Variants in AUTS2 observed in about 807,000 individuals in gnomAD.
The protein encoded by AUTS2 is activator of transcription and developmental regulator AUTS2.
In AUTS2, 17 loss-of-function variants were observed where a neutral mutation model predicts 112.4. The ratio of observed to expected loss-of-function variants is 0.15; its 90% CI spans 0.10 to 0.23. The LOEUF (loss-of-function observed/expected upper bound fraction) is 0.23, where lower values mean the gene tolerates loss of function less well. AUTS2 is among the 10% of genes least tolerant of loss of function. The probability of loss-of-function intolerance (pLI) is 1.00; values close to 1 mark genes in which losing one functional copy is unlikely to be tolerated. For missense variants in AUTS2, 1,510 were observed against 1,701.6 expected, an observed-to-expected ratio of 0.89 and a Z score of 1.98; for synonymous variants, 751 against 702.7, an observed-to-expected ratio of 1.07 and a Z score of -1.09.
chr7:69,862,734 G>A (rs1329610968), intron 1 of AUTS2, among the ~76,000 whole-genome samples: 4 of 152,062 alleles, frequency 2.6e-5, no homozygotes, highest in Admixed American at 6.5e-5. Context: ...CATTGGAGGC[G>A]AGCTACAACC....
intron 6 of AUTS2, among the ~76,000 whole-genome samples, chr7:70,732,182 T>G (rs532852092): frequency 4.7e-4 from 71 of 152,338 alleles, no homozygotes; most frequent in African/African-American, 1.7e-3. Context: ...GTTTTCTTGT[T>G]TCTTTATTAT....
At chr7:70,263,963 G>C (rs562526871) in intron 4 of AUTS2, among the ~76,000 whole-genome samples, 4 of 152,122 alleles carry the variant, frequency 2.6e-5, no homozygotes, top group African/African-American at 7.2e-5. Context: ...GGAAGTTACC[G>C]GGGGGTCATG....
chr7:69,924,562 T>C (rs28811580), intron 2 of AUTS2, among the ~76,000 whole-genome samples: 1 of 151,590 alleles, frequency 6.6e-6, no homozygotes, highest in Admixed American at 6.6e-5. Flanking sequence ...TTTTTTTTTC[T>C]TTTTTTGAGA....
At chr7:70,569,447 G>A (rs756493465) in intron 5 of AUTS2, among the ~76,000 whole-genome samples, 2 of 152,236 alleles carry the variant, frequency 1.3e-5, no homozygotes, top group African/African-American at 2.4e-5. Flanking sequence ...GTATCCCACC[G>A]GCTGCAAAGA....
At chr7:69,787,660 C>T (rs1789436621) in intron 1 of AUTS2, among the ~76,000 whole-genome samples, 1 of 152,184 alleles carries the variant, frequency 6.6e-6, no homozygotes, top group African/African-American at 2.4e-5. Context: ...AGTGATTCTC[C>T]TGCCTCAGCT....
At chr7:69,901,738 C>G (rs1794978868) in intron 2 of AUTS2, among the ~76,000 whole-genome samples, 1 of 152,152 alleles carries the variant, frequency 6.6e-6, no homozygotes, top group Non-Finnish European at 1.5e-5. Flanking sequence ...GTTATCCAAT[C>G]AAGTGTTATA....
At chr7:69,760,083 A>G (rs1788113515) in intron 1 of AUTS2, among the ~76,000 whole-genome samples, 1 of 151,852 alleles carries the variant, frequency 6.6e-6, no homozygotes, top group South Asian at 2.1e-4. Flanking sequence ...AACTCAATCT[A>G]CAAAGATCTG....
intron 2 of AUTS2, among the ~76,000 whole-genome samples, chr7:69,932,752 A>C (rs189778252): frequency 2.7e-4 from 41 of 152,336 alleles, no homozygotes; most frequent in Admixed American, 2.2e-3. Context: ...ATGAGTTAGA[A>C]CAAATAATTG....
chr7:70,696,286 G>C (rs1195331831), intron 5 of AUTS2, among the ~76,000 whole-genome samples: 1 of 152,142 alleles, frequency 6.6e-6, no homozygotes, highest in Non-Finnish European at 1.5e-5. Flanking sequence ...TAACCACCTG[G>C]ATAGGAGAGA....
chr7:70,432,146 T>C (rs1376027545), intron 4 of AUTS2, among the ~76,000 whole-genome samples: 3 of 152,222 alleles, frequency 2.0e-5, no homozygotes, highest in African/African-American at 4.8e-5. Context: ...AGCTGGTAGT[T>C]AGTGTGCAAC....
rs564010342 is a variant in AUTS2, at chr7:70,716,558, G to A, written c.742+17938G>A. Among the ~76,000 whole-genome samples, 9 of 148,726 alleles carry A rather than the reference G, an allele frequency of 6.1e-5. No individual in the cohort carries two copies. In the South Asian group the frequency reaches 6.5e-4, roughly 11 times the overall value. ...TGAGGCAGGAGAATGGCGTGAACCC[G>A]GCCGGGAGGCAGAGCTTGCAGTGAG... On this transcript the variant is annotated intron_variant, in intron 6 of 18. Coordinates refer to ENST00000342771, the MANE Select transcript of AUTS2 (RefSeq NM_015570.4).
intron 2 of AUTS2, among the ~76,000 whole-genome samples, chr7:70,082,924 G>A (rs1803390948): frequency 1.3e-5 from 2 of 152,086 alleles, no homozygotes; most frequent in South Asian, 4.2e-4. Context: ...ATTTTATTCA[G>A]TACCTACTGT....
chr7:70,491,907 A>G (rs1229499787), intron 5 of AUTS2, among the ~76,000 whole-genome samples: 1 of 151,968 alleles, frequency 6.6e-6, no homozygotes, highest in Non-Finnish European at 1.5e-5. Flanking sequence ...GAGCCACCGC[A>G]CCCGGCCAAA....
intron 4 of AUTS2, among the ~76,000 whole-genome samples, chr7:70,270,604 C>T (rs1258853835): frequency 1.3e-5 from 2 of 152,040 alleles, no homozygotes; most frequent in South Asian, 2.1e-4. Flanking sequence ...GGAAAGTGAT[C>T]GGATCTGATT....
intron 2 of AUTS2, among the ~76,000 whole-genome samples, chr7:69,992,623 C>G (rs914549439): frequency 6.6e-6 from 1 of 152,096 alleles, no homozygotes; most frequent in African/African-American, 2.4e-5. Flanking sequence ...TTTGGGAAGC[C>G]GAGGATTATA....
chr7:70,724,502 T>G (rs10229143), intron 6 of AUTS2, among the ~76,000 whole-genome samples: 115,029 of 146,678 alleles, frequency 0.78, 45,271 homozygotes, highest in East Asian at 0.93. Flanking sequence ...CTGGAGTGCA[T>G]TGGCGTGATC....
intron 4 of AUTS2, among the ~76,000 whole-genome samples, chr7:70,324,745 G>T (rs989634070): frequency 6.6e-6 from 1 of 152,238 alleles, no homozygotes; most frequent in Non-Finnish European, 1.5e-5. Flanking sequence ...TTCCTAGGAA[G>T]AGCACTAGAG....
At chr7:70,640,984 C>T (rs1224521929) in intron 5 of AUTS2, among the ~76,000 whole-genome samples, 1 of 152,186 alleles carries the variant, frequency 6.6e-6, no homozygotes, top group Non-Finnish European at 1.5e-5. Flanking sequence ...TCTCACCTCC[C>T]AGGCCTGCCA....
At chr7:70,402,823 A>G (rs1794380814) in intron 4 of AUTS2, among the ~76,000 whole-genome samples, 1 of 152,122 alleles carries the variant, frequency 6.6e-6, no homozygotes, top group Admixed American at 6.5e-5. Context: ...GCTTGGCATG[A>G]AGTTGATCCC....
Sources: allele counts gnomAD v4.1 joint callset (sites outside exome capture counted in the v4.1 genomes callset), GRCh38; gene constraint gnomAD v4.1.1; transcripts MANE v1.5; gene names NCBI Gene and HGNC (gene_info 2026-07-23, HGNC 2026-07-21).